Variants in KATNAL1 observed in about 807,000 individuals in gnomAD.
KATNAL1 encodes katanin catalytic subunit A1 like 1, also known as katanin p60 ATPase-containing subunit A-like 1.
KATNAL1 carries 32 observed loss-of-function variants against 55.2 expected under a neutral mutation model. That is an observed-to-expected ratio of 0.58 (90% CI 0.44 to 0.78). The LOEUF is 0.78. KATNAL1 is among the 30% of genes least tolerant of loss of function. KATNAL1 has a pLI of 0.00. For missense variants in KATNAL1, 466 were observed against 600.9 expected, an observed-to-expected ratio of 0.78 and a Z score of 2.35; for synonymous variants, 193 against 193.6, an observed-to-expected ratio of 1.00 and a Z score of 0.02.
chr13:30,283,132 G>A (rs1881508957), intron 2 of KATNAL1, among the ~76,000 whole-genome samples: 1 of 151,130 alleles, frequency 6.6e-6, no homozygotes, highest in South Asian at 2.1e-4. Context: ...ACTGGGCGTG[G>A]TGGCACATGC....
At chr13:30,249,169 T>C (rs1593885862) in intron 4 of KATNAL1, among the ~76,000 whole-genome samples, 1 of 151,170 alleles carries the variant, frequency 6.6e-6, no homozygotes, top group Non-Finnish European at 1.5e-5. Flanking sequence ...GAGGCGGAGG[T>C]TGCAGTGAGC....
chr13:30,234,941 A>G (rs1876502275), intron 6 of KATNAL1, among the ~76,000 whole-genome samples: 1 of 152,150 alleles, frequency 6.6e-6, no homozygotes, highest in Admixed American at 6.5e-5. Flanking sequence ...GGCCCCCTAT[A>G]TAGTTTATGC....
At chr13:30,305,552 T>C (rs1883124629) in intron 1 of KATNAL1, among the ~76,000 whole-genome samples, 1 of 152,226 alleles carries the variant, frequency 6.6e-6, no homozygotes, top group African/African-American at 2.4e-5. Context: ...GGTTCACACG[T>C]TACCAGCTAT....
chr13:30,221,409 A>T (rs1874843157), intron 9 of KATNAL1, among the ~76,000 whole-genome samples: 1 of 152,240 alleles, frequency 6.6e-6, no homozygotes. Context: ...TTTAAAGGAA[A>T]ATACATAATC....
At chr13:30,304,266 CT>C (rs1273445369) in intron 1 of KATNAL1, among the ~76,000 whole-genome samples, 2 of 148,808 alleles carry the variant, frequency 1.3e-5, no homozygotes, top group Non-Finnish European at 3.0e-5. Flanking sequence ...ATACACACAA[CT>C]CTTTTTTTTT....
intron 3 of KATNAL1, among the ~76,000 whole-genome samples, chr13:30,274,012 A>C (rs921685354): frequency 8.5e-5 from 13 of 152,210 alleles, no homozygotes; most frequent in African/African-American, 3.1e-4. Context: ...CTATTTCTGC[A>C]TCCCACCGTA....
chr13:30,252,933 G>A (rs1878457334), intron 4 of KATNAL1, among the ~76,000 whole-genome samples: 1 of 152,114 alleles, frequency 6.6e-6, no homozygotes, highest in South Asian at 2.1e-4. Context: ...TTTTAGTAGA[G>A]ACGGGGTTAC....
Position 30,274,901 on chromosome 13 carries a change from GCGCGCGCACACACA to G in KATNAL1, c.323+5148_323+5161del, listed in dbSNP as rs1186332677. Among the ~76,000 whole-genome samples the G allele has an allele frequency of 1.8e-3, 199 of 111,462 alleles. 1 individual carries two copies. Among genetic ancestry groups the G allele is most frequent in the Middle Eastern group, 4.1e-3 (1 of 244 alleles). 73.1% of individuals were successfully genotyped at this position (111,462 alleles called of 152,430 possible). A position where few individuals can be genotyped will look rare whatever the true frequency, so the allele number is the denominator to read the frequency against. ...TGTGTGCACACACATACGCGCGCGC[GCGCGCGCACACACA>G]CACACACACACACACACACACACAC... is the stretch of plus-strand genomic sequence containing the variant. On this transcript the variant is annotated intron_variant, in intron 3 of 10. Transcript: ENST00000380615.
rs554722407 is a variant in KATNAL1, at chr13:30,224,092, C to T, written c.1147+3320G>A. Reference sequence around the variant, plus strand: ...TTTGGCTCCCAAACCAATTTAAATGCTAAATAACTAAAGGACCAAAGAAAG... The same window carrying T: ...TTTGGCTCCCAAACCAATTTAAATGTTAAATAACTAAAGGACCAAAGAAAG... On this transcript the variant is annotated intron_variant, in intron 9 of 10. Transcript: ENST00000380615. Among the ~76,000 whole-genome samples, 4 of 151,852 alleles carry T rather than the reference C, an allele frequency of 2.6e-5. 1 individual carries two copies. In the South Asian group the frequency reaches 6.3e-4, roughly 24 times the overall value.
At chr13:30,284,493 T>G (rs2137540824) in intron 1 of KATNAL1, among the ~76,000 whole-genome samples, 1 of 152,274 alleles carries the variant, frequency 6.6e-6, no homozygotes, top group African/African-American at 2.4e-5. Context: ...CAGTTGAAAC[T>G]ATAAAAACTA....
At chr13:30,253,244 GA>G (rs1362848984) in intron 4 of KATNAL1, among the ~76,000 whole-genome samples, 7 of 152,118 alleles carry the variant, frequency 4.6e-5, no homozygotes, top group Admixed American at 1.3e-4. Context: ...AGTTTGTTTT[GA>G]AAAACTGTAG....
intron 1 of KATNAL1, among the ~76,000 whole-genome samples, chr13:30,299,360 G>A (rs1274731451): frequency 6.6e-6 from 1 of 151,914 alleles, no homozygotes; most frequent in Non-Finnish European, 1.5e-5. Flanking sequence ...AATTAAATGT[G>A]ATCATATGTT....
intron 9 of KATNAL1, among the ~76,000 whole-genome samples, chr13:30,216,384 G>C (rs111487965): frequency 0.026 from 3,972 of 152,238 alleles, 187 homozygotes; most frequent in African/African-American, 0.091. Context: ...TAACAGGGCT[G>C]TCTGCTTCAC....
chr13:30,278,093 A>G (rs1880999888), intron 3 of KATNAL1, among the ~76,000 whole-genome samples: 1 of 151,926 alleles, frequency 6.6e-6, no homozygotes, highest in Admixed American at 6.6e-5. Flanking sequence ...CTTTATTCAT[A>G]AAGTTTTAAA....
intron 3 of KATNAL1, among the ~76,000 whole-genome samples, chr13:30,276,781 T>G (rs1291607269): frequency 6.6e-6 from 1 of 152,142 alleles, no homozygotes; most frequent in Non-Finnish European, 1.5e-5. Context: ...AAAAGTAATA[T>G]AGCAGAGTGC....
chr13:30,283,266 C>CAAAAAAAAAAAAA (rs35463025), intron 2 of KATNAL1, among the ~76,000 whole-genome samples: 1 of 35,098 alleles, frequency 2.8e-5, no homozygotes, highest in Admixed American at 4.9e-4. Flanking sequence ...GACTCTGTCT[C>CAAAAAAAAAAAAA]AAAAAAAAAA....
chr13:30,220,707 G>GT (rs943121522), intron 9 of KATNAL1, among the ~76,000 whole-genome samples: 66 of 150,068 alleles, frequency 4.4e-4, no homozygotes, highest in Admixed American at 8.6e-4. Context: ...CTTGTTTTTT[G>GT]TTTTTTTTTG....
intron 3 of KATNAL1, among the ~76,000 whole-genome samples, chr13:30,265,408 TAAAA>T: frequency 1.0e-5 from 1 of 99,326 alleles, no homozygotes. Flanking sequence ...ATAAAAAAAT[TAAAA>T]AAAAAGAAAA....
At chr13:30,273,588 C>T (rs1880540536) in intron 3 of KATNAL1, among the ~76,000 whole-genome samples, 2 of 152,184 alleles carry the variant, frequency 1.3e-5, no homozygotes, top group Admixed American at 1.3e-4. Context: ...TATTAGTGTG[C>T]TTAATCAGCC....
Sources: allele counts gnomAD v4.1 joint callset (sites outside exome capture counted in the v4.1 genomes callset), GRCh38; gene constraint gnomAD v4.1.1; transcripts MANE v1.5; gene names NCBI Gene and HGNC (gene_info 2026-07-23, HGNC 2026-07-21).